RBMS3: variants seen among roughly 807,000 people sequenced by gnomAD.
RBMS3 encodes the protein RNA binding motif single stranded interacting protein 3.
A neutral mutation model predicts 66.8 loss-of-function variants in RBMS3; 27 were observed. That is an observed-to-expected ratio of 0.40 (90% CI 0.30 to 0.56). RBMS3 has a LOEUF of 0.56. Ranked by LOEUF, RBMS3 falls within the 20% of genes least tolerant of loss-of-function variation. The probability of loss-of-function intolerance (pLI) is 0.40; values close to 1 mark genes in which losing one functional copy is unlikely to be tolerated. For missense variants in RBMS3, 513 were observed against 549.5 expected (o/e 0.93, Z 0.66); for synonymous variants, 188 against 183.0 (o/e 1.03, Z -0.22).
chr3:29,899,408 C>A (rs952078673), intron 9 of RBMS3, among the ~76,000 whole-genome samples: 1 of 151,700 alleles, frequency 6.6e-6, no homozygotes, highest in African/African-American at 2.4e-5. Flanking sequence ...TCTCTGAGGC[C>A]TCCTAAAACT....
chr3:29,445,997 A>C (rs1030702492), intron 2 of RBMS3, among the ~76,000 whole-genome samples: 4 of 152,198 alleles, frequency 2.6e-5, no homozygotes, highest in Non-Finnish European at 4.4e-5. Flanking sequence ...GCATGTACCT[A>C]TGTAGCCACG....
intron 3 of RBMS3, among the ~76,000 whole-genome samples, chr3:29,559,191 T>G (rs2046456768): frequency 6.6e-6 from 1 of 152,046 alleles, no homozygotes; most frequent in Non-Finnish European, 1.5e-5. Flanking sequence ...TTTACTGTAT[T>G]TTCTAAATAA....
intron 4 of RBMS3, among the ~76,000 whole-genome samples, chr3:29,736,928 T>C (rs138905041): frequency 2.0e-5 from 3 of 152,146 alleles, no homozygotes; most frequent in Non-Finnish European, 2.9e-5. Context: ...GTTTTTACAG[T>C]AACCTTCTAT....
intron 4 of RBMS3, among the ~76,000 whole-genome samples, chr3:29,705,949 A>G (rs937712502): frequency 6.6e-6 from 1 of 152,142 alleles, no homozygotes; most frequent in African/African-American, 2.4e-5. Flanking sequence ...GTTTTCCCTT[A>G]TTATTCAACA....
intron 8 of RBMS3, among the ~76,000 whole-genome samples, chr3:29,885,521 G>A (rs934061716): frequency 6.6e-6 from 1 of 151,786 alleles, no homozygotes; most frequent in Non-Finnish European, 1.5e-5. Flanking sequence ...ATGTTATAAT[G>A]GAAAGGAATG....
intron 1 of RBMS3, among the ~76,000 whole-genome samples, chr3:29,374,362 G>A (rs1381841634): frequency 6.6e-6 from 1 of 152,182 alleles, no homozygotes; most frequent in African/African-American, 2.4e-5. Context: ...TTTCAAGCTG[G>A]TTTTGAAACA....
intron 6 of RBMS3, among the ~76,000 whole-genome samples, chr3:29,789,591 T>A (rs2056934126): frequency 6.6e-6 from 1 of 152,304 alleles, no homozygotes; most frequent in South Asian, 2.1e-4. Context: ...AGTCAAATCA[T>A]GTGTTATTAA....
intron 6 of RBMS3, among the ~76,000 whole-genome samples, chr3:29,832,104 C>T (rs1439272478): frequency 6.6e-6 from 1 of 152,014 alleles, no homozygotes; most frequent in Non-Finnish European, 1.5e-5. Flanking sequence ...ATATACATCA[C>T]AAGATGTTTG....
intron 4 of RBMS3, among the ~76,000 whole-genome samples, chr3:29,646,540 A>T (rs1454571128): frequency 6.6e-6 from 1 of 152,178 alleles, no homozygotes; most frequent in South Asian, 2.1e-4. Flanking sequence ...ACTACCGTTA[A>T]TATGTTACCT....
intron 4 of RBMS3, among the ~76,000 whole-genome samples, chr3:29,659,548 C>T (rs909252537): frequency 5.3e-5 from 8 of 152,190 alleles, no homozygotes; most frequent in African/African-American, 1.9e-4. Context: ...CATGTTGTAG[C>T]ATACATAAGA....
At chr3:29,482,701 C>CTTTCTTTCTTTTTTTT (rs759435190) in intron 2 of RBMS3, among the ~76,000 whole-genome samples, 1 of 77,512 alleles carries the variant, frequency 1.3e-5, no homozygotes, top group Non-Finnish European at 2.3e-5. Flanking sequence ...TTCTTTCTTT[C>CTTTCTTTCTTTTTTTT]TTTTTTTTTT....
intron 4 of RBMS3, among the ~76,000 whole-genome samples, chr3:29,661,425 C>A (rs1413023295): frequency 6.6e-6 from 1 of 152,060 alleles, no homozygotes; most frequent in Non-Finnish European, 1.5e-5. Flanking sequence ...CAATAACTAG[C>A]CTTTAAGTTT....
At chr3:29,641,943 G>C (rs967034292) in intron 4 of RBMS3, among the ~76,000 whole-genome samples, 1 of 152,012 alleles carries the variant, frequency 6.6e-6, no homozygotes, top group Admixed American at 6.6e-5. Flanking sequence ...GTCCTCCCAA[G>C]AAAGAGGGAA....
chr3:29,724,224 T>C (rs1347801385), intron 4 of RBMS3, among the ~76,000 whole-genome samples: 2 of 152,192 alleles, frequency 1.3e-5, no homozygotes, highest in Non-Finnish European at 2.9e-5. Context: ...AGTTTACACT[T>C]ATGAGGAACA....
At chr3:29,712,338 G>C in intron 4 of RBMS3, among the ~76,000 whole-genome samples, 1 of 151,458 alleles carries the variant, frequency 6.6e-6, no homozygotes, top group African/African-American at 2.4e-5. Flanking sequence ...TTTGAGACAG[G>C]GTCTCACTCT....
At chr3:29,919,101 T>G (rs183805039) in intron 10 of RBMS3, among the ~76,000 whole-genome samples, 148 of 152,318 alleles carry the variant, frequency 9.7e-4, no homozygotes, top group Non-Finnish European at 1.4e-3. Flanking sequence ...GATTAAATTT[T>G]AAAACTACTT....
chr3:29,659,685 A>C (rs1294481781), intron 4 of RBMS3, among the ~76,000 whole-genome samples: 1 of 152,252 alleles, frequency 6.6e-6, no homozygotes, highest in African/African-American at 2.4e-5. Context: ...ACTGCTATGC[A>C]CATGGGCATA....
At chr3:29,914,935 C>T (rs2060601898) in intron 10 of RBMS3, among the ~76,000 whole-genome samples, 2 of 151,682 alleles carry the variant, frequency 1.3e-5, no homozygotes, top group African/African-American at 4.8e-5. Flanking sequence ...GGAAGAACAA[C>T]AAAATTGGAA....
intron 4 of RBMS3, among the ~76,000 whole-genome samples, chr3:29,603,996 T>G (rs1350374230): frequency 6.6e-6 from 1 of 152,000 alleles, no homozygotes; most frequent in East Asian, 1.9e-4. Context: ...AAGTTGCTAC[T>G]GGCATCTGTT....
Sources: allele counts gnomAD v4.1 joint callset (sites outside exome capture counted in the v4.1 genomes callset), GRCh38; gene constraint gnomAD v4.1.1; transcripts MANE v1.5; gene names NCBI Gene and HGNC (gene_info 2026-07-23, HGNC 2026-07-21).